Variants in FBXO25 observed in about 807,000 individuals in gnomAD.
The protein encoded by FBXO25 is F-box protein 25.
FBXO25 carries 45 observed loss-of-function variants against 51.9 expected under a neutral mutation model. The observed-to-expected ratio is 0.87, with a 90% CI of 0.68 to 1.11. The LOEUF (loss-of-function observed/expected upper bound fraction) is 1.11. Among genes scored for constraint, FBXO25 ranks in the 50% most tolerant of loss-of-function variants. The pLI, the probability that FBXO25 is intolerant of heterozygous loss-of-function variation, is 0.00. For missense variants in FBXO25, 507 were observed against 428.5 expected (o/e 1.18, Z -1.62); for synonymous variants, 199 against 151.0 (o/e 1.32, Z -2.33).
intron 5 of FBXO25, among the ~76,000 whole-genome samples, chr8:445,505 G>A (rs1324698829): frequency 6.6e-6 from 1 of 152,192 alleles, no homozygotes; most frequent in African/African-American, 2.4e-5. Context: ...ATCTATTAAT[G>A]TTTGCCACAT....
chr8:446,551 G>T (rs1234298153), intron 5 of FBXO25, among the ~76,000 whole-genome samples: 1 of 151,930 alleles, frequency 6.6e-6, no homozygotes, highest in African/African-American at 2.4e-5. Context: ...ACCTCAGTTG[G>T]CCTGAATCCT....
intron 9 of FBXO25, among the ~76,000 whole-genome samples, chr8:466,612 C>T (rs1303030265): frequency 1.3e-5 from 2 of 152,208 alleles, no homozygotes. Context: ...CACCATGGTG[C>T]ATCTGTCTCA....
At chr8:456,430 T>A (rs1184960240) in intron 7 of FBXO25, among the ~76,000 whole-genome samples, 1 of 152,116 alleles carries the variant, frequency 6.6e-6, no homozygotes, top group Non-Finnish European at 1.5e-5. Flanking sequence ...GATGGAAGGA[T>A]GGGCTAAGAC....
intron 2 of FBXO25, among the ~76,000 whole-genome samples, chr8:417,189 C>A (rs1296694744): frequency 6.6e-6 from 1 of 152,142 alleles, no homozygotes; most frequent in South Asian, 2.1e-4. Context: ...CTGTGAAGTA[C>A]CTGTTGTCAT....
intron 3 of FBXO25, among the ~76,000 whole-genome samples, chr8:432,116 C>T (rs550019277): frequency 1.3e-5 from 2 of 152,302 alleles, no homozygotes; most frequent in South Asian, 2.1e-4. Context: ...GCCACCATCA[C>T]TGCTCTTGCA....
chr8:449,737 A>G (rs1249211684), intron 5 of FBXO25, among the ~76,000 whole-genome samples: 5 of 152,174 alleles, frequency 3.3e-5, no homozygotes, highest in Admixed American at 6.5e-5. Flanking sequence ...ATATGCTTCC[A>G]CTAACTAAAT....
intron 4 of FBXO25, 33 bp from the exon 5 acceptor site, chr8:435,582 T>G: frequency 1.3e-6 from 2 of 1,590,682 alleles, no homozygotes; most frequent in Non-Finnish European, 1.7e-6. Context: ...TTTGGCTAAT[T>G]GACTAATTTT....
At chr8:429,830 CAAG>C (rs1563073003) in intron 2 of FBXO25, among the ~76,000 whole-genome samples, 1 of 152,222 alleles carries the variant, frequency 6.6e-6, no homozygotes, top group Non-Finnish European at 1.5e-5. Context: ...CAGCAGTGCC[CAAG>C]AAGGTCACCT....
intron 9 of FBXO25, among the ~76,000 whole-genome samples, chr8:467,416 A>C (rs1449216293): frequency 2.6e-5 from 4 of 152,356 alleles, no homozygotes; most frequent in Middle Eastern, 3.4e-3. Flanking sequence ...ATAATTTTAA[A>C]GGTTATTTAG....
intron 8 of FBXO25, among the ~76,000 whole-genome samples, chr8:461,687 A>G (rs34350275): frequency 0.16 from 23,825 of 152,122 alleles, 2,125 homozygotes; most frequent in African/African-American, 0.24. Context: ...CCTAGCCCCA[A>G]GCAACCCCTA....
At chr8:414,638 A>G (rs1025827503) in intron 2 of FBXO25, among the ~76,000 whole-genome samples, 1 of 152,166 alleles carries the variant, frequency 6.6e-6, no homozygotes, top group Non-Finnish European at 1.5e-5. Context: ...TAGAGAATAC[A>G]GTCGAGATAT....
chr8:419,229 C>T lies in FBXO25; in HGVS notation c.134+6016C>T, dbSNP rs185618239. ...ACAAAAAAAAAAAAAATTAGCCGAG[C>T]GTGGTGACAGGTGCCTGTAATCCCA... is the stretch of plus-strand genomic sequence containing the variant. On this transcript the variant is annotated intron_variant, in intron 2 of 9. Coordinates refer to ENST00000350302, the MANE Select transcript of FBXO25 (RefSeq NM_183420.2). Among the ~76,000 whole-genome samples the T allele has an allele frequency of 5.9e-5, 9 of 151,876 alleles. No individual in the cohort carries two copies. The East Asian group carries it at 1.2e-3, about 20-fold the overall frequency.
intron 4 of FBXO25, among the ~76,000 whole-genome samples, chr8:433,253 T>G (rs1461079625): frequency 6.6e-6 from 1 of 151,854 alleles, no homozygotes; most frequent in African/African-American, 2.4e-5. Flanking sequence ...GATACTGGTG[T>G]GTGGGATGTA....
chr8:455,145 G>A (rs747806360), intron 7 of FBXO25, among the ~76,000 whole-genome samples: 1 of 152,168 alleles, frequency 6.6e-6, no homozygotes, highest in Non-Finnish European at 1.5e-5. Flanking sequence ...AGTGTGTTAT[G>A]CCAAATGTGT....
At chr8:459,324 A>G (rs1409359292) in intron 8 of FBXO25, among the ~76,000 whole-genome samples, 1 of 152,148 alleles carries the variant, frequency 6.6e-6, no homozygotes, top group Admixed American at 6.5e-5. Context: ...AGCATAGCCT[A>G]CCCTTGGAAT....
intron 9 of FBXO25, among the ~76,000 whole-genome samples, chr8:466,048 A>C (rs1800138255): frequency 6.6e-6 from 1 of 152,138 alleles, no homozygotes; most frequent in African/African-American, 2.4e-5. Context: ...TGTGATGTCC[A>C]CTTCACTGTA....
At chr8:442,260 C>T (rs370133247) in intron 5 of FBXO25, among the ~76,000 whole-genome samples, 16 of 150,732 alleles carry the variant, frequency 1.1e-4, no homozygotes, top group Non-Finnish European at 1.8e-4. Flanking sequence ...CTATTGTATA[C>T]ATAAATGTTT....
At chr8:456,119 A>G (rs886136230) in intron 7 of FBXO25, among the ~76,000 whole-genome samples, 1 of 152,250 alleles carries the variant, frequency 6.6e-6, no homozygotes, top group African/African-American at 2.4e-5. Context: ...CTCAGTAGGA[A>G]TTAGAATGAA....
At chr8:441,096 T>C (rs1176600814) in intron 5 of FBXO25, among the ~76,000 whole-genome samples, 1 of 150,198 alleles carries the variant, frequency 6.7e-6, no homozygotes, top group African/African-American at 2.5e-5. Context: ...CTTTTCATCA[T>C]ACTACCTGAC....
Sources: gnomAD v4.1 joint callset for allele counts (sites outside exome capture counted in the v4.1 genomes callset) on GRCh38, gnomAD v4.1.1 for gene constraint, MANE v1.5 for transcripts, NCBI Gene and HGNC (gene_info 2026-07-23, HGNC 2026-07-21) for gene names.